The following BIRC6 variants were observed in gnomAD, a reference collection of about 807,000 sequenced individuals.
The protein encoded by BIRC6 is baculoviral IAP repeat containing 6.
In BIRC6, 98 loss-of-function variants were observed where a neutral mutation model predicts 503.3. The ratio of observed to expected loss-of-function variants is 0.19; its 90% CI spans 0.17 to 0.23. BIRC6 has a LOEUF of 0.23. Ranked by LOEUF, BIRC6 falls within the 10% of genes least tolerant of loss-of-function variation. The pLI is 1.00. For missense variants in BIRC6, 5,360 were observed against 5,806.0 expected (o/e 0.92, Z 2.50); for synonymous variants, 2,240 against 2,078.7 (o/e 1.08, Z -2.11).
chr2:32,444,512 T>C (rs1031514333), intron 20 of BIRC6, among the ~76,000 whole-genome samples: 2 of 152,254 alleles, frequency 1.3e-5, no homozygotes, highest in Admixed American at 1.3e-4. Flanking sequence ...ATGGTGTTAC[T>C]ATGAAGGGCT....
intron 10 of BIRC6, among the ~76,000 whole-genome samples, chr2:32,424,065 A>G (rs934148401): frequency 4.6e-5 from 7 of 152,178 alleles, no homozygotes; most frequent in Admixed American, 3.9e-4. Context: ...GAAAAGGCGA[A>G]ATTTTTGACT....
chr2:32,436,633 G>A (rs1328411771), intron 15 of BIRC6, among the ~76,000 whole-genome samples: 1 of 152,158 alleles, frequency 6.6e-6, no homozygotes, highest in Non-Finnish European at 1.5e-5. Flanking sequence ...AGGCTGGAGT[G>A]TAGTGGCGCT....
chr2:32,607,056 G>A (rs2062513736), intron 71 of BIRC6, among the ~76,000 whole-genome samples: 1 of 147,740 alleles, frequency 6.8e-6, no homozygotes, highest in Non-Finnish European at 1.5e-5. Flanking sequence ...TGCTCCTTAA[G>A]AACAGTTTGA....
Position 32,415,794 on chromosome 2 carries a change from C to G in BIRC6, c.2503C>G (p.Arg835Gly), listed in dbSNP as rs769675695. 1 of 1,613,610 alleles carries G rather than the reference C, an allele frequency of 6.2e-7. No homozygotes were observed. The highest frequency in any genetic ancestry group is 8.5e-7 in the Non-Finnish European group (1 of 1,179,820). The change falls in exon 10 of 74, where the codon CGG (arginine) becomes GGG (glycine). Residue 835 changes from arginine to glycine, a missense_variant. Coordinates refer to ENST00000421745, the MANE Select transcript of BIRC6 (RefSeq NM_016252.4). ...LVLYKMNYATRIVTLEEEPIK... is the reference protein window; with the variant it reads ...LVLYKMNYATGIVTLEEEPIK... The stretch of plus-strand genomic sequence containing the variant: ...GCTTTATAAAATGAATTATGCCACT[C>G]GGATAGTGACTTTAGAAGAGGAGCC...
intron 73 of BIRC6, among the ~76,000 whole-genome samples, chr2:32,617,350 G>C (rs574823061): frequency 1.3e-5 from 2 of 152,286 alleles, no homozygotes; most frequent in Non-Finnish European, 2.9e-5. Flanking sequence ...GCAATGAGCT[G>C]AGATCGCGCC....
chr2:32,437,924 T>G (rs958473752), intron 15 of BIRC6, among the ~76,000 whole-genome samples: 2 of 152,194 alleles, frequency 1.3e-5, no homozygotes, highest in Non-Finnish European at 2.9e-5. Flanking sequence ...GCATCTTAAA[T>G]TTTTAGGTGG....
At chr2:32,411,594 ACAGCCTCCTG>A (rs2041893356) in intron 9 of BIRC6, among the ~76,000 whole-genome samples, 3 of 151,498 alleles carry the variant, frequency 2.0e-5, no homozygotes, top group African/African-American at 7.3e-5. Flanking sequence ...TTCTCTTGCC[ACAGCCTCCTG>A]AGCAGTGGGA....
intron 72 of BIRC6, among the ~76,000 whole-genome samples, chr2:32,609,314 GCTT>G: frequency 1.0e-5 from 1 of 95,604 alleles, no homozygotes; most frequent in South Asian, 4.4e-4. Flanking sequence ...TGTGTGTGTA[GCTT>G]TTTGCCTGTG....
chr2:32,496,228 A>T (rs1480536342), intron 45 of BIRC6, among the ~76,000 whole-genome samples: 1 of 150,274 alleles, frequency 6.7e-6, no homozygotes, highest in Non-Finnish European at 1.5e-5. Context: ...GATCTAATTC[A>T]TACACTTTTT....
chr2:32,473,744 TGTGTG>T (rs2049372846), intron 33 of BIRC6, among the ~76,000 whole-genome samples: 6 of 139,264 alleles, frequency 4.3e-5, no homozygotes, highest in Non-Finnish European at 7.8e-5. Context: ...TGTGTGTGTG[TGTGTG>T]TATTTTTTTT....
rs1441948421 is a variant in BIRC6, at chr2:32,594,057, C to G, written c.13498C>G (p.Gln4500Glu). ...AATTSLRQAN[Q>E]EKKLGEYSKK... ...CACCACCAGTTTGCGGCAAGCAAAT[C>G]AGGGTACAAAACTTTTCCTATTATG... The change falls in exon 67 of 74, where the codon CAG (glutamine) becomes GAG (glutamate). Residue 4500 changes from glutamine (Q) to glutamate (E), a missense_variant. Physicochemically the swap from Gln to Glu is conservative, Grantham distance 29. Around this residue, in one of 16 missense-constraint regions of BIRC6, gnomAD observed 477 missense variants for 574.4 expected, o/e 0.83. Coordinates refer to ENST00000421745, the MANE Select transcript of BIRC6 (RefSeq NM_016252.4). The G allele has an allele frequency of 1.9e-6, 3 of 1,609,126 alleles. No individual in the cohort carries two copies. Among genetic ancestry groups the G allele is most frequent in the Non-Finnish European group, 2.5e-6 (3 of 1,178,032 alleles).
At chr2:32,464,460 T>A (rs1234283057) in intron 24 of BIRC6, 49 bp from the exon 25 acceptor site, 1 of 1,485,322 alleles carries the variant, frequency 6.7e-7, no homozygotes, top group Non-Finnish European at 9.0e-7. Context: ...CTGCCACAAT[T>A]TAGGTAGGCA....
In BIRC6 at chr2:32,448,883, A is replaced by G. The variant is rs2046376027; in HGVS notation, c.4573A>G (p.Ile1525Val). The G allele has an allele frequency of 5.0e-6, 8 of 1,613,668 alleles. No homozygotes were observed. Among genetic ancestry groups the G allele is most frequent in the South Asian group, 1.1e-5 (1 of 91,038 alleles). The change falls in exon 22 of 74, where the codon ATT becomes GTT. Residue 1525 changes from isoleucine to valine, a missense_variant. This residue lies in a region of BIRC6 where 2,299 missense variants were observed against 2,267.2 expected (regional missense o/e 1.01). Transcript: ENST00000421745. ...SSCKNVYNSS[I>V]GVQSDEIDLS... ...TTGTAAAAATGTTTATAACAGCAGC[A>G]TTGGTGTCCAGTCAGATGAAATTGA...
intron 68 of BIRC6, among the ~76,000 whole-genome samples, chr2:32,596,307 C>T (rs2061671245): frequency 6.6e-6 from 1 of 151,786 alleles, no homozygotes; most frequent in Non-Finnish European, 1.5e-5. Flanking sequence ...TGGTGTAACT[C>T]CATCTCTATT....
chr2:32,565,267 A>C (rs2150799381), intron 65 of BIRC6: 1 of 152,344 alleles, frequency 6.6e-6, no homozygotes, highest in East Asian at 1.9e-4. Context: ...ATCTATCTTG[A>C]TATTGGGTAG....
chr2:32,530,366 A>G (rs1252866373), intron 60 of BIRC6, among the ~76,000 whole-genome samples: 4 of 151,868 alleles, frequency 2.6e-5, no homozygotes, highest in Admixed American at 6.6e-5. Context: ...ACCCACCACC[A>G]TGCCTGGCTA....
At chr2:32,437,357 TAAA>T (rs925432791) in intron 15 of BIRC6, among the ~76,000 whole-genome samples, 1 of 151,822 alleles carries the variant, frequency 6.6e-6, no homozygotes, top group Non-Finnish European at 1.5e-5. Flanking sequence ...TGGGGGTAAA[TAAA>T]AAAAACCAAC....
intron 47 of BIRC6, 81 bp downstream of exon 47, chr2:32,501,969 AT>A: frequency 7.7e-7 from 1 of 1,301,800 alleles, no homozygotes. Context: ...ACAAAGATAA[AT>A]AAGTATATTT....
At position 32,543,143 on chromosome 2, in the gene BIRC6, A is replaced by G; in HGVS notation, c.12292-98A>G. 5 of 1,290,128 alleles carry G rather than the reference A, an allele frequency of 3.9e-6. No homozygotes were observed. In the South Asian group the frequency reaches 4.4e-5, roughly 11 times the overall value. The allele number at this position is 1,290,128 out of a possible 1,614,324, so 79.9% of individuals were successfully genotyped here. On this transcript the variant is annotated intron_variant, in intron 61 of 73. Transcript: ENST00000421745. ...GCAAGCAGCTTTATTAATCCTTATA[A>G]TCCTATATTTTAAAGAGATCATTTA...
Sources: gnomAD v4.1 joint callset for allele counts (sites outside exome capture counted in the v4.1 genomes callset) on GRCh38, gnomAD v4.1.1 for gene constraint, gnomAD v4.1.1 regional missense constraint, MANE v1.5 for transcripts, NCBI Gene and HGNC (gene_info 2026-07-23, HGNC 2026-07-21) for gene names.